NAV2: variants seen among roughly 807,000 people sequenced by gnomAD.
NAV2 encodes helicase, APC down-regulated 1.
In NAV2, 54 loss-of-function variants were observed where a neutral mutation model predicts 223.2. The ratio of observed to expected loss-of-function variants is 0.24; its 90% CI spans 0.19 to 0.30. The LOEUF is 0.30. Among genes scored for constraint, NAV2 ranks in the 10% least tolerant of loss-of-function variants. The probability of loss-of-function intolerance (pLI) is 1.00; values close to 1 mark genes in which losing one functional copy is unlikely to be tolerated. For synonymous variants in NAV2, 1,279 were observed against 1,239.3 expected, an observed-to-expected ratio of 1.03 and a Z score of -0.67; for missense variants, 2,806 against 3,147.5, an observed-to-expected ratio of 0.89 and a Z score of 2.60.
At chr11:19,853,559 G>T (rs969824070) in intron 3 of NAV2, among the ~76,000 whole-genome samples, 1 of 152,118 alleles carries the variant, frequency 6.6e-6, no homozygotes, top group Non-Finnish European at 1.5e-5. Flanking sequence ...TTTTTGTGTG[G>T]CCCTAGACAA....
chr11:19,836,081 A>G (rs2060210497), intron 2 of NAV2, among the ~76,000 whole-genome samples: 1 of 152,178 alleles, frequency 6.6e-6, no homozygotes, highest in South Asian at 2.1e-4. Context: ...TGAGAGGATT[A>G]GGGATAAGAA....
chr11:20,055,686 A>G, intron 18 of NAV2, 83 bp from the exon 19 acceptor site: 1 of 1,248,760 alleles, frequency 8.0e-7, no homozygotes, highest in Non-Finnish European at 1.1e-6. Context: ...GGCTAAAAAT[A>G]AGCAGTCTTC....
chr11:19,617,511 A>G lies in NAV2; in HGVS notation c.76-214973A>G, dbSNP rs539014627. Among the ~76,000 whole-genome samples, 3 of 152,340 alleles carry G rather than the reference A, an allele frequency of 2.0e-5. No homozygotes were observed. The South Asian group carries it at 6.2e-4, about 32-fold the overall frequency. On this transcript the variant is annotated intron_variant, in intron 1 of 37. Coordinates refer to the NAV2 transcript ENST00000360655. ...GAGGACAGACACAGGCCTGCCTTCAAGGGACTTCCACTCTCATGGAGAGAG... is the reference window on the plus strand; with the variant it reads ...GAGGACAGACACAGGCCTGCCTTCAGGGGACTTCCACTCTCATGGAGAGAG...
intron 11 of NAV2, among the ~76,000 whole-genome samples, chr11:19,994,859 C>T (rs2051713098): frequency 6.6e-6 from 1 of 152,164 alleles, no homozygotes; most frequent in Non-Finnish European, 1.5e-5. Flanking sequence ...TGGGTTTGTT[C>T]AGAATCATCA....
intron 1 of NAV2, among the ~76,000 whole-genome samples, chr11:19,369,600 G>A (rs1451112862): frequency 1.3e-5 from 2 of 152,036 alleles, no homozygotes; most frequent in African/African-American, 4.8e-5. Flanking sequence ...CTTTGAGCTA[G>A]GTGCCCTAGG....
At chr11:19,604,437 C>T (rs768698512) in intron 1 of NAV2, among the ~76,000 whole-genome samples, 16 of 151,984 alleles carry the variant, frequency 1.1e-4, no homozygotes, top group Non-Finnish European at 2.1e-4. Flanking sequence ...GCATTGGGGT[C>T]CGAGCAACAG....
At chr11:19,750,620 T>C (rs1160546164) in intron 1 of NAV2, among the ~76,000 whole-genome samples, 2 of 152,214 alleles carry the variant, frequency 1.3e-5, no homozygotes, top group African/African-American at 4.8e-5. Context: ...TAGGAAGTTA[T>C]AGAATGTCCC....
At chr11:19,399,660 T>C (rs1375745540) in intron 1 of NAV2, among the ~76,000 whole-genome samples, 1 of 152,248 alleles carries the variant, frequency 6.6e-6, no homozygotes, top group Non-Finnish European at 1.5e-5. Context: ...ATTATGTCAT[T>C]GATCCTCAAC....
At chr11:19,949,701 A>G in intron 10 of NAV2, among the ~76,000 whole-genome samples, 1 of 152,136 alleles carries the variant, frequency 6.6e-6, no homozygotes, top group East Asian at 1.9e-4. Flanking sequence ...GATTATCACT[A>G]TTCGAAATTA....
chr11:19,920,917 C>G (rs924393886), intron 6 of NAV2, among the ~76,000 whole-genome samples: 1 of 152,156 alleles, frequency 6.6e-6, no homozygotes, highest in East Asian at 1.9e-4. Flanking sequence ...TTTGCAAAAC[C>G]TCAATCTACC....
rs1176959410 is a variant in NAV2, at chr11:19,939,742, G to A, written c.2115G>A (p.Lys705=). The A allele has an allele frequency of 1.2e-6, 2 of 1,614,008 alleles. No individual in the cohort carries two copies. Among genetic ancestry groups the A allele is most frequent in the Non-Finnish European group, 1.7e-6 (2 of 1,180,016 alleles). Residue 705 remains lysine (K), a synonymous_variant, in exon 8 of 38, where the codon AAG becomes AAA. Coordinates refer to ENST00000349880, the MANE Select transcript of NAV2 (RefSeq NM_145117.5). ...GCGTGGAGCCCAGCCACTTCACCAA[G>A]ACTGGACAGCCTGCTCTGGAAGAAC... The part of the protein sequence containing the change: ...GVSVEPSHFT[K]TGQPALEELT...
intron 12 of NAV2, 123 bp from the exon 13 acceptor site, chr11:20,043,858 T>C (rs1015639007): frequency 2.7e-5 from 23 of 844,494 alleles, no homozygotes; most frequent in Non-Finnish European, 4.3e-5. Flanking sequence ...AGTCCAAACA[T>C]CTTTAAAGTA....
At chr11:19,879,435 G>A (rs2063058561) in intron 4 of NAV2, among the ~76,000 whole-genome samples, 1 of 152,154 alleles carries the variant, frequency 6.6e-6, no homozygotes, top group South Asian at 2.1e-4. Flanking sequence ...CGCAGATCAT[G>A]GAGTGGGACA....
intron 8 of NAV2, among the ~76,000 whole-genome samples, chr11:19,943,967 G>A (rs954874276): frequency 2.0e-5 from 3 of 152,178 alleles, no homozygotes; most frequent in Admixed American, 2.0e-4. Flanking sequence ...GGAAGCCGAG[G>A]TGGGTGGATC....
intron 11 of NAV2, among the ~76,000 whole-genome samples, chr11:20,017,319 C>T (rs990398710): frequency 6.6e-6 from 1 of 152,210 alleles, no homozygotes; most frequent in Non-Finnish European, 1.5e-5. Context: ...GCCTCTCCCT[C>T]TGGTCTCTGC....
chr11:19,502,505 A>G (rs1445852041), intron 1 of NAV2, among the ~76,000 whole-genome samples: 1 of 152,200 alleles, frequency 6.6e-6, no homozygotes, highest in African/African-American at 2.4e-5. Flanking sequence ...ATGAAGCAGA[A>G]AAATGGGGCT....
intron 1 of NAV2, among the ~76,000 whole-genome samples, chr11:19,537,262 A>C (rs1275759902): frequency 6.7e-6 from 1 of 149,302 alleles, no homozygotes; most frequent in Non-Finnish European, 1.5e-5. Flanking sequence ...GGTCAATAAC[A>C]ACAACTAATA....
At chr11:19,892,694 A>T in intron 6 of NAV2, 100 bp downstream of exon 6, 1 of 1,304,010 alleles carries the variant, frequency 7.7e-7, no homozygotes, top group South Asian at 1.6e-5. Flanking sequence ...GAGGGGTTGC[A>T]TCTGTGTTGA....
At chr11:19,984,359 G>A in intron 11 of NAV2, 112 bp downstream of exon 11, 1 of 1,512,734 alleles carries the variant, frequency 6.6e-7, no homozygotes, top group East Asian at 2.3e-5. Flanking sequence ...CCCACAGAGA[G>A]GGAGGGGAGG....
Sources: gnomAD v4.1 joint callset for allele counts (sites outside exome capture counted in the v4.1 genomes callset) on GRCh38, gnomAD v4.1.1 for gene constraint, MANE v1.5 for transcripts, NCBI Gene and HGNC (gene_info 2026-07-23, HGNC 2026-07-21) for gene names.